The following PDLIM5 variants were observed in gnomAD, a reference collection of about 807,000 sequenced individuals.
The protein encoded by PDLIM5 is PDZ and LIM domain protein 5.
Under a neutral mutation model 64.2 loss-of-function variants are expected in PDLIM5, and 34 were observed. The ratio of observed to expected loss-of-function variants is 0.53; its 90% CI spans 0.40 to 0.71. PDLIM5 has a LOEUF of 0.71. Among genes scored for constraint, PDLIM5 ranks in the 30% least tolerant of loss-of-function variants. PDLIM5 has a pLI of 0.00. For missense variants in PDLIM5, 683 were observed against 733.6 expected (o/e 0.93, Z 0.80); for synonymous variants, 253 against 269.1 (o/e 0.94, Z 0.59).
At chr4:94,490,698 A>C (rs1233370794) in intron 2 of PDLIM5, among the ~76,000 whole-genome samples, 2 of 152,174 alleles carry the variant, frequency 1.3e-5, no homozygotes, top group Admixed American at 6.6e-5. Context: ...GATTAAACAA[A>C]AATTGTTGTG....
At chr4:94,550,354 A>G (rs956969640) in intron 3 of PDLIM5, among the ~76,000 whole-genome samples, 2 of 152,172 alleles carry the variant, frequency 1.3e-5, no homozygotes, top group African/African-American at 4.8e-5. Context: ...TTACTTCCCA[A>G]TGTGTAAAGA....
chr4:94,575,710 C>CA lies in PDLIM5; in HGVS notation c.387dup (p.Arg130ThrfsTer53). 6.2e-7 allele frequency: 1 copy of CA among 1,613,958 alleles called. No homozygotes were observed. The highest frequency in any genetic ancestry group is 8.5e-7 in the Non-Finnish European group (1 of 1,179,848). On this transcript the variant is annotated frameshift_variant, in exon 5 of 13. Transcript: ENST00000317968. LOFTEE classifies it high-confidence loss of function. Reference sequence around the variant, plus strand: ...AACAACATGGCCTACAATAAGGCACCACGGCCTTTTGGTTCTGTGTCTTCA... The same window carrying CA: ...AACAACATGGCCTACAATAAGGCACCAACGGCCTTTTGGTTCTGTGTCTTCA...
At chr4:94,557,336 G>A (rs1733435166) in intron 3 of PDLIM5, among the ~76,000 whole-genome samples, 1 of 152,192 alleles carries the variant, frequency 6.6e-6, no homozygotes, top group Non-Finnish European at 1.5e-5. Context: ...AAGTCAGGTA[G>A]TGTGATGCCT....
chr4:94,655,177 CAT>C (rs1451977867), intron 10 of PDLIM5, among the ~76,000 whole-genome samples: 2 of 151,888 alleles, frequency 1.3e-5, no homozygotes, highest in Admixed American at 1.3e-4. Context: ...TGAGAGTGCA[CAT>C]GTGATGGAAA....
intron 2 of PDLIM5, chr4:94,456,220 C>T (rs1237464685): frequency 4.6e-6 from 2 of 433,566 alleles, no homozygotes; most frequent in Non-Finnish European, 8.1e-6. Context: ...TTTTTTGAGA[C>T]AGAGTTTTGT....
At chr4:94,468,573 A>G (rs1275148491) in intron 2 of PDLIM5, among the ~76,000 whole-genome samples, 1 of 152,206 alleles carries the variant, frequency 6.6e-6, no homozygotes, top group Admixed American at 6.5e-5. Flanking sequence ...TAATATGGAG[A>G]TTAGGAGAGC....
chr4:94,610,938 C>T, intron 7 of PDLIM5: 11 of 605,996 alleles, frequency 1.8e-5, no homozygotes, highest in South Asian at 6.0e-5. Context: ...TTTGTGCTTC[C>T]CCTCCTTCTT....
At chr4:94,527,773 A>G (rs2110146590) in intron 3 of PDLIM5, among the ~76,000 whole-genome samples, 1 of 152,194 alleles carries the variant, frequency 6.6e-6, no homozygotes. Flanking sequence ...GGGCTTTTGT[A>G]CCCCCTTCCT....
chr4:94,564,656 C>CTTT (rs768721210), intron 3 of PDLIM5, among the ~76,000 whole-genome samples: 1,344 of 104,440 alleles, frequency 0.013, 87 homozygotes, highest in African/African-American at 0.053. Context: ...AATTTTGTCT[C>CTTT]TTTTTTTTTT....
chr4:94,638,107 C>T (rs537468518), intron 8 of PDLIM5, among the ~76,000 whole-genome samples: 6 of 152,250 alleles, frequency 3.9e-5, no homozygotes, highest in Non-Finnish European at 1.5e-5. Flanking sequence ...ATACATTTTA[C>T]ATTTCTTGAA....
chr4:94,569,476 C>A (rs990045226), intron 3 of PDLIM5, among the ~76,000 whole-genome samples: 1 of 152,074 alleles, frequency 6.6e-6, no homozygotes, highest in South Asian at 2.1e-4. Flanking sequence ...CATGCTACCA[C>A]GTCCAGCTAA....
At chr4:94,653,049 C>T (rs1741961299) in intron 9 of PDLIM5, among the ~76,000 whole-genome samples, 1 of 152,102 alleles carries the variant, frequency 6.6e-6, no homozygotes, top group Non-Finnish European at 1.5e-5. Flanking sequence ...ATACTCATTG[C>T]TATGACTTCT....
intron 2 of PDLIM5, among the ~76,000 whole-genome samples, chr4:94,460,369 C>T (rs548011774): frequency 2.0e-4 from 31 of 151,882 alleles, no homozygotes; most frequent in Non-Finnish European, 2.9e-4. Flanking sequence ...TTTTAGTAAA[C>T]GTTGGGCATT....
At chr4:94,631,959 C>G (rs984613601) in intron 8 of PDLIM5, among the ~76,000 whole-genome samples, 2 of 152,344 alleles carry the variant, frequency 1.3e-5, no homozygotes, top group South Asian at 4.1e-4. Flanking sequence ...AGCTTAGATA[C>G]TTCTCCTGAG....
intron 3 of PDLIM5, among the ~76,000 whole-genome samples, chr4:94,554,033 C>T (rs991174001): frequency 5.3e-5 from 8 of 152,264 alleles, no homozygotes; most frequent in South Asian, 2.1e-4. Flanking sequence ...TTGCCAAGAA[C>T]GAGCTATTCA....
intron 7 of PDLIM5, chr4:94,587,274 A>C: frequency 7.9e-7 from 1 of 1,271,662 alleles, no homozygotes; most frequent in South Asian, 2.3e-5. Flanking sequence ...TAGCTCACAA[A>C]TGTAAAACCA....
At chr4:94,571,956 T>A (rs1734842644) in intron 3 of PDLIM5, among the ~76,000 whole-genome samples, 1 of 152,196 alleles carries the variant, frequency 6.6e-6, no homozygotes, top group African/African-American at 2.4e-5. Context: ...AATATTAACA[T>A]CCATTGCTAC....
intron 3 of PDLIM5, among the ~76,000 whole-genome samples, chr4:94,567,424 GA>G (rs1380391345): frequency 2.0e-5 from 3 of 151,990 alleles, no homozygotes; most frequent in Non-Finnish European, 2.9e-5. Context: ...ATTGAAGTTG[GA>G]AGAGAAAATC....
intron 3 of PDLIM5, among the ~76,000 whole-genome samples, chr4:94,564,956 C>T (rs911368259): frequency 3.9e-5 from 6 of 152,088 alleles, no homozygotes; most frequent in Admixed American, 1.3e-4. Context: ...ACGCCCAGCC[C>T]GTCTGTTTTA....
Sources: gnomAD v4.1 joint callset for allele counts (sites outside exome capture counted in the v4.1 genomes callset) on GRCh38, gnomAD v4.1.1 for gene constraint, MANE v1.5 for transcripts, NCBI Gene and HGNC (gene_info 2026-07-23, HGNC 2026-07-21) for gene names.